ZFHX3: variants seen among roughly 807,000 people sequenced by gnomAD.
The protein encoded by ZFHX3 is zinc finger homeobox 3.
A neutral mutation model predicts 279.1 loss-of-function variants in ZFHX3; 42 were observed. The ratio of observed to expected loss-of-function variants is 0.15; its 90% CI spans 0.12 to 0.19. The LOEUF (loss-of-function observed/expected upper bound fraction) is 0.19. Ranked by LOEUF, ZFHX3 falls within the 10% of genes least tolerant of loss-of-function variation. The pLI is 1.00. For synonymous variants in ZFHX3, 2,293 were observed against 1,957.8 expected, an observed-to-expected ratio of 1.17 and a Z score of -4.52; for missense variants, 4,981 against 4,754.0, an observed-to-expected ratio of 1.05 and a Z score of -1.40.
In ZFHX3 at chr16:73,647,839, A is replaced by G. The variant is rs193295440; in HGVS notation, c.-1547+32341T>C. ...ACACATACCTAAATGTCAATTATAA[A>G]TCAGTAAGAAAAACCCAAATGAAAA... On this transcript the variant is annotated intron_variant, in intron 2 of 17. Coordinates refer to the ZFHX3 transcript ENST00000641206. Among the ~76,000 whole-genome samples the G allele has an allele frequency of 1.5e-3, 233 of 152,348 alleles. 1 individual carries two copies. The highest frequency in any genetic ancestry group is 0.011 in the South Asian group (55 of 4,824).
chr16:73,275,807 A>C (rs1462544091), intron 4 of ZFHX3, among the ~76,000 whole-genome samples: 2 of 152,222 alleles, frequency 1.3e-5, no homozygotes, highest in Admixed American at 1.3e-4. Context: ...GGTTGCCACA[A>C]ATCTTCAATT....
chr16:73,623,936 A>G (rs1352799289), intron 2 of ZFHX3, among the ~76,000 whole-genome samples: 1 of 152,184 alleles, frequency 6.6e-6, no homozygotes, highest in Non-Finnish European at 1.5e-5. Flanking sequence ...TGTCACTCTG[A>G]GTTATAGAAT....
chr16:73,224,443 T>C (rs2012526560), intron 5 of ZFHX3, among the ~76,000 whole-genome samples: 1 of 152,228 alleles, frequency 6.6e-6, no homozygotes, highest in African/African-American at 2.4e-5. Flanking sequence ...GTTATATTTC[T>C]TTGCTTGACA....
At chr16:73,065,566 GGT>G (rs10540025) in intron 8 of ZFHX3, among the ~76,000 whole-genome samples, 12,213 of 144,456 alleles carry the variant, frequency 0.085, 558 homozygotes, top group Non-Finnish European at 0.12. Flanking sequence ...AGCTTTTCCT[GGT>G]GTGTGTGTGT....
At position 73,289,602 on chromosome 16, in the gene ZFHX3, T is replaced by G. The variant is rs1440415652; in HGVS notation, c.-1194+28638A>C. 3.9e-5 allele frequency among the ~76,000 whole-genome samples: 6 copies of G among 151,966 alleles called. No individual in the cohort carries two copies. In the South Asian group the frequency reaches 1.2e-3, roughly 32 times the overall value. ...TCCTAGGCTGGCAATCCAAGCCATG[T>G]CCCCAGGGCACCTTGAGTGCCATCC... On this transcript the variant is annotated intron_variant, in intron 4 of 17. Transcript: ENST00000641206.
intron 1 of ZFHX3, among the ~76,000 whole-genome samples, chr16:72,972,714 C>G (rs550646082): frequency 1.3e-5 from 2 of 152,054 alleles, no homozygotes; most frequent in African/African-American, 4.8e-5. Flanking sequence ...TCCTCCTCCT[C>G]TACTTTAAGC....
At chr16:73,030,987 G>T (rs1292174218) in intron 1 of ZFHX3, among the ~76,000 whole-genome samples, 1 of 152,166 alleles carries the variant, frequency 6.6e-6, no homozygotes, top group Admixed American at 6.5e-5. Context: ...CCCCTTGTGT[G>T]GTTTCCTGCT....
At chr16:73,082,838 G>C (rs1304780747) in intron 8 of ZFHX3, among the ~76,000 whole-genome samples, 1 of 151,996 alleles carries the variant, frequency 6.6e-6, no homozygotes, top group Non-Finnish European at 1.5e-5. Flanking sequence ...AACATTACTG[G>C]AATCTGTAGT....
rs956581676 is a variant in ZFHX3, at chr16:73,416,136, A to AC, written c.-1291+39866_-1291+39867insG. On this transcript the variant is annotated intron_variant, in intron 3 of 17. Transcript: ENST00000641206. The stretch of plus-strand genomic sequence containing the variant: ...AGACTCCATCTCAAAAAAAAAAAAA[A>AC]AACAAAAAACGGAAAACAAACAAAC... Among the ~76,000 whole-genome samples, 12 of 151,240 alleles carry AC rather than the reference A, an allele frequency of 7.9e-5. 1 individual carries two copies. Among genetic ancestry groups the AC allele is most frequent in the African/African-American group, 2.9e-4 (12 of 40,956 alleles).
In ZFHX3 at chr16:72,957,730, A is replaced by C. The variant is rs1597014290; in HGVS notation, c.2416T>G (p.Cys806Gly). ...TKPKTKPTWRCEVCDYETNVA... is the reference protein window; with the variant it reads ...TKPKTKPTWRGEVCDYETNVA... ...TTGGTCTCATAATCACACACCTCGC[A>C]CCGCCAGGTGGGTTTGGTTTTTGGT... is the stretch of plus-strand genomic sequence containing the variant. Residue 806 changes from cysteine to glycine, a missense_variant, in exon 2 of 10, where the codon TGC becomes GGC. Transcript: ENST00000268489. The C allele has an allele frequency of 6.2e-7, 1 of 1,614,038 alleles. No individual in the cohort carries two copies. The highest frequency in any genetic ancestry group is 8.5e-7 in the Non-Finnish European group (1 of 1,180,006).
chr16:72,990,551 A>C (rs914492203), intron 1 of ZFHX3, among the ~76,000 whole-genome samples: 3 of 152,154 alleles, frequency 2.0e-5, no homozygotes, highest in African/African-American at 7.2e-5. Flanking sequence ...GTAGCTGCTG[A>C]GCGATCTTAA....
intron 4 of ZFHX3, among the ~76,000 whole-genome samples, chr16:73,275,052 A>C (rs1243700149): frequency 4.6e-5 from 7 of 152,120 alleles, no homozygotes; most frequent in African/African-American, 1.7e-4. Context: ...AGAGCCTGCT[A>C]ATTTCCCACC....
intron 4 of ZFHX3, among the ~76,000 whole-genome samples, chr16:73,278,731 G>C (rs2014375111): frequency 1.3e-5 from 2 of 152,174 alleles, no homozygotes; most frequent in Admixed American, 6.5e-5. Context: ...ACAGAGCACT[G>C]ATTGGTGCAT....
chr16:73,301,117 T>C (rs8051614), intron 4 of ZFHX3, among the ~76,000 whole-genome samples: 105,047 of 152,100 alleles, frequency 0.69, 36,883 homozygotes, highest in African/African-American at 0.76. Context: ...AATCTGGTTG[T>C]GTATCAGAGT....
chr16:73,023,530 C>T (rs1244898640), intron 1 of ZFHX3, among the ~76,000 whole-genome samples: 3 of 152,206 alleles, frequency 2.0e-5, no homozygotes, highest in Non-Finnish European at 4.4e-5. Context: ...AGGGCCAAAG[C>T]AACAGCCAAT....
At chr16:72,852,044 C>T (rs888977212) in intron 4 of ZFHX3, among the ~76,000 whole-genome samples, 31 of 152,176 alleles carry the variant, frequency 2.0e-4, no homozygotes, top group African/African-American at 7.0e-4. Flanking sequence ...GCTATTAAAA[C>T]CAGTCCTGTT....
At chr16:73,454,733 G>C (rs1567489250) in intron 3 of ZFHX3, among the ~76,000 whole-genome samples, 1 of 152,114 alleles carries the variant, frequency 6.6e-6, no homozygotes, top group Non-Finnish European at 1.5e-5. Flanking sequence ...GTGTGGCTCA[G>C]GGAGAGGAGC....
chr16:73,296,192 A>G (rs1312369399), intron 4 of ZFHX3, among the ~76,000 whole-genome samples: 6 of 152,216 alleles, frequency 3.9e-5, no homozygotes, highest in Non-Finnish European at 8.8e-5. Context: ...CTAACTGCTT[A>G]TGAAATTTCA....
At chr16:73,750,658 G>T (rs2053753704) in intron 1 of ZFHX3, among the ~76,000 whole-genome samples, 2 of 152,194 alleles carry the variant, frequency 1.3e-5, no homozygotes. Context: ...GCCATGAGGA[G>T]GTAAGGCGAG....
Sources: gnomAD v4.1 joint callset for allele counts (sites outside exome capture counted in the v4.1 genomes callset) on GRCh38, gnomAD v4.1.1 for gene constraint, MANE v1.5 for transcripts, NCBI Gene and HGNC (gene_info 2026-07-23, HGNC 2026-07-21) for gene names.